TEK: variants seen among roughly 807,000 people sequenced by gnomAD.
TEK encodes TEK receptor tyrosine kinase, also known as angiopoietin-1 receptor.
Under a neutral mutation model 131.8 loss-of-function variants are expected in TEK, and 43 were observed. The ratio of observed to expected loss-of-function variants is 0.33; its 90% confidence interval spans 0.26 to 0.42. The LOEUF (loss-of-function observed/expected upper bound fraction) is 0.42. TEK is among the 10% of genes least tolerant of loss of function. The pLI, the probability that TEK is intolerant of heterozygous loss-of-function variation, is 1.00. For missense variants in TEK, 1,162 were observed against 1,384.4 expected, an observed-to-expected ratio of 0.84 and a Z score of 2.55; for synonymous variants, 580 against 491.6, an observed-to-expected ratio of 1.18 and a Z score of -2.38.
At chr9:27,170,244 G>A (rs76836305) in intron 4 of TEK, among the ~76,000 whole-genome samples, 5,846 of 152,210 alleles carry the variant, frequency 0.038, 331 homozygotes, top group East Asian at 0.29. Flanking sequence ...CCCACAACAC[G>A]TGGGGATTAT....
intron 21 of TEK, among the ~76,000 whole-genome samples, chr9:27,226,174 G>A (rs142367918): frequency 0.012 from 1,836 of 152,280 alleles, 40 homozygotes; most frequent in African/African-American, 0.042. Context: ...TCAGTGTGGC[G>A]ATTCCTCAGG....
intron 16 of TEK, among the ~76,000 whole-genome samples, chr9:27,212,011 G>A (rs556431734): frequency 0.019 from 2,817 of 144,600 alleles, 90 homozygotes; most frequent in African/African-American, 0.071. Context: ...AAAAGAGAGA[G>A]AGAAATGATG....
intron 2 of TEK, among the ~76,000 whole-genome samples, chr9:27,162,924 C>T (rs542332213): frequency 1.3e-5 from 2 of 152,190 alleles, no homozygotes; most frequent in South Asian, 2.1e-4. Context: ...CCATGTTGGC[C>T]GGGGTGGTCT....
intron 15 of TEK, 66 bp downstream of exon 15, chr9:27,206,858 A>G: frequency 6.4e-7 from 1 of 1,550,740 alleles, no homozygotes; most frequent in Non-Finnish European, 8.8e-7. Flanking sequence ...TTTCCTGCTC[A>G]TTCTTTCCTC....
intron 1 of TEK, among the ~76,000 whole-genome samples, chr9:27,124,982 C>A (rs1449775664): frequency 6.6e-6 from 1 of 152,128 alleles, no homozygotes; most frequent in Non-Finnish European, 1.5e-5. Flanking sequence ...GGAACAGTCC[C>A]CAGTCGCTCA....
intron 7 of TEK, among the ~76,000 whole-genome samples, chr9:27,181,747 A>G (rs1008138061): frequency 6.6e-6 from 1 of 152,236 alleles, no homozygotes; most frequent in African/African-American, 2.4e-5. Flanking sequence ...AATGTTTGCT[A>G]TCCACTGTCG....
At chr9:27,143,120 C>G (rs1392335897) in intron 1 of TEK, among the ~76,000 whole-genome samples, 1 of 152,134 alleles carries the variant, frequency 6.6e-6, no homozygotes, top group Non-Finnish European at 1.5e-5. Context: ...GTTTCTTTAT[C>G]AACCCACAGG....
At chr9:27,166,138 G>A (rs1375450279) in intron 2 of TEK, among the ~76,000 whole-genome samples, 1 of 152,238 alleles carries the variant, frequency 6.6e-6, no homozygotes. Flanking sequence ...GTCCTGGTCT[G>A]AATCTTTATA....
chr9:27,165,382 T>C (rs1823692613), intron 2 of TEK, among the ~76,000 whole-genome samples: 1 of 152,060 alleles, frequency 6.6e-6, no homozygotes, highest in African/African-American at 2.4e-5. Context: ...AAGAGCTGCA[T>C]GCATTTGGAG....
intron 1 of TEK, among the ~76,000 whole-genome samples, chr9:27,137,201 A>T (rs577853998): frequency 6.7e-6 from 1 of 149,030 alleles, no homozygotes; most frequent in Non-Finnish European, 1.5e-5. Flanking sequence ...TACAGGTGTG[A>T]GCCACTGTGC....
At chr9:27,131,639 G>A (rs956784315) in intron 1 of TEK, among the ~76,000 whole-genome samples, 23 of 149,456 alleles carry the variant, frequency 1.5e-4, no homozygotes, top group South Asian at 4.2e-4. Context: ...AGGAGACCCC[G>A]TCTCTTAAAA....
At chr9:27,129,172 G>A (rs1293429278) in intron 1 of TEK, among the ~76,000 whole-genome samples, 1 of 152,110 alleles carries the variant, frequency 6.6e-6, no homozygotes, top group African/African-American at 2.4e-5. Flanking sequence ...TTTATTGAGA[G>A]TTTTTAGCAT....
At chr9:27,155,528 C>T (rs534955521) in intron 1 of TEK, among the ~76,000 whole-genome samples, 3 of 152,064 alleles carry the variant, frequency 2.0e-5, no homozygotes, top group Non-Finnish European at 4.4e-5. Flanking sequence ...TTAATTTGTA[C>T]CAAGATTATC....
At chr9:27,224,132 C>CA in intron 21 of TEK, among the ~76,000 whole-genome samples, 1 of 152,110 alleles carries the variant, frequency 6.6e-6, no homozygotes, top group South Asian at 2.1e-4. Flanking sequence ...GCTTACCTAC[C>CA]AAAAAAAGTC....
chr9:27,214,446 G>A (rs958905459), intron 18 of TEK, among the ~76,000 whole-genome samples: 1 of 152,144 alleles, frequency 6.6e-6, no homozygotes, highest in Non-Finnish European at 1.5e-5. Flanking sequence ...GGCTCCAGTT[G>A]TCATAAGATA....
At chr9:27,176,502 C>A (rs933609288) in intron 6 of TEK, among the ~76,000 whole-genome samples, 5 of 152,182 alleles carry the variant, frequency 3.3e-5, no homozygotes, top group African/African-American at 1.2e-4. Context: ...ACCTTTCTAC[C>A]ATCTGCTTTG....
chr9:27,149,625 A>G (rs912029196), intron 1 of TEK, among the ~76,000 whole-genome samples: 4 of 152,060 alleles, frequency 2.6e-5, no homozygotes, highest in African/African-American at 9.7e-5. Context: ...TGTCACTTTG[A>G]GCAATTCTTG....
chr9:27,136,716 C>T (rs1321137076), intron 1 of TEK, among the ~76,000 whole-genome samples: 2 of 152,108 alleles, frequency 1.3e-5, no homozygotes, highest in African/African-American at 2.4e-5. Flanking sequence ...GTATCAGTCT[C>T]CCCTATCTGT....
At chr9:27,159,556 T>G (rs1823469517) in intron 2 of TEK, among the ~76,000 whole-genome samples, 1 of 152,082 alleles carries the variant, frequency 6.6e-6, no homozygotes. Flanking sequence ...CACCAGAATT[T>G]TGCCGGAGGA....
Sources: gnomAD v4.1 joint callset for allele counts (sites outside exome capture counted in the v4.1 genomes callset) on GRCh38, gnomAD v4.1.1 for gene constraint, MANE v1.5 for transcripts, NCBI Gene and HGNC (gene_info 2026-07-23, HGNC 2026-07-21) for gene names.